CYP51A1: variants seen among roughly 807,000 people sequenced by gnomAD.
CYP51A1 encodes the protein lanosterol 14-alpha demethylase.
CYP51A1 carries 45 observed loss-of-function variants against 53.5 expected under a neutral mutation model. The ratio of observed to expected loss-of-function variants is 0.84; its 90% CI spans 0.66 to 1.08. The LOEUF (loss-of-function observed/expected upper bound fraction) is 1.08, where lower values mean the gene tolerates loss of function less well. Among genes scored for constraint, CYP51A1 ranks in the 50% least tolerant of loss-of-function variants. The pLI is 0.00. For missense variants in CYP51A1, 462 were observed against 621.7 expected, an observed-to-expected ratio of 0.74 and a Z score of 2.73; for synonymous variants, 181 against 217.7, an observed-to-expected ratio of 0.83 and a Z score of 1.48.
At chr7:92,129,222 T>G (rs1471587763) in intron 2 of CYP51A1, among the ~76,000 whole-genome samples, 166 bp from the exon 3 acceptor site, 1 of 152,238 alleles carries the variant, frequency 6.6e-6, no homozygotes. Context: ...TTGTCCAAAT[T>G]TATAATTATG....
chr7:92,134,064 G>T, intron 1 of CYP51A1, 109 bp downstream of exon 1: 2 of 1,056,120 alleles, frequency 1.9e-6, no homozygotes, highest in Non-Finnish European at 2.7e-6. Flanking sequence ...AGTCGCCCCC[G>T]CCCTTGCCAT....
intron 2 of CYP51A1, 24 bp downstream of exon 2, chr7:92,131,750 C>CT: frequency 1.4e-6 from 1 of 739,512 alleles, no homozygotes; most frequent in Admixed American, 3.2e-5. Context: ...TTTTTTTTTT[C>CT]CTCTAATTAT....
At chr7:92,126,892 C>T (rs1180665676) in intron 4 of CYP51A1, among the ~76,000 whole-genome samples, 1 of 152,164 alleles carries the variant, frequency 6.6e-6, no homozygotes, top group African/African-American at 2.4e-5. Context: ...ATTAGTATAT[C>T]CCAACACTGG....
chr7:92,123,685 A>G (rs1819737156), intron 6 of CYP51A1, 49 bp downstream of exon 6: 1 of 1,521,888 alleles, frequency 6.6e-7, no homozygotes, highest in Non-Finnish European at 8.9e-7. Context: ...CTGTGTTTTA[A>G]TGTGTAATTT....
Position 92,112,879 on chromosome 7 carries a change from T to G in CYP51A1, c.*786A>C, listed in dbSNP as rs1819471003. 6.8e-6 allele frequency: 1 copy of G among 147,750 alleles called. No homozygotes were observed. The highest frequency in any genetic ancestry group is 2.5e-5 in the African/African-American group (1 of 40,010). The allele number at this position is 147,750 out of a possible 1,614,324, so 9.2% of individuals were successfully genotyped here. On this transcript the variant is annotated 3_prime_UTR_variant, in exon 10 of 10. Coordinates refer to ENST00000003100, the MANE Select transcript of CYP51A1 (RefSeq NM_000786.4). The stretch of plus-strand genomic sequence containing the variant: ...AGGGAACAACTGAGCCAAAACAAAA[T>G]TATCCCCTAAGGACTTGACTTTGGA...
chr7:92,115,535 TAAG>T (rs1819565471), intron 9 of CYP51A1, among the ~76,000 whole-genome samples: 1 of 152,144 alleles, frequency 6.6e-6, no homozygotes, highest in Admixed American at 6.5e-5. Context: ...TGTAGAACCT[TAAG>T]GAGGAGCACG....
At chr7:92,114,239 T>C (rs987332820) in intron 9 of CYP51A1, among the ~76,000 whole-genome samples, 1 of 152,128 alleles carries the variant, frequency 6.6e-6, no homozygotes, top group Admixed American at 6.6e-5. Flanking sequence ...TATAAATGTA[T>C]GGAAGAAAAT....
chr7:92,126,283 A>G lies in CYP51A1; in HGVS notation c.740T>C (p.Leu247Ser), dbSNP rs1042844921. 6 of 1,607,860 alleles carry G rather than the reference A, an allele frequency of 3.7e-6. No homozygotes were observed. Among genetic ancestry groups the G allele is most frequent in the African/African-American group, 1.3e-5 (1 of 74,642 alleles). Reference sequence around the variant, plus strand: ...ACTAGGCAAAGGCAGCCAACCTGGTAAGAGCCAGGCTGCATGGCTGAAACC... The same window carrying G: ...ACTAGGCAAAGGCAGCCAACCTGGTGAGAGCCAGGCTGCATGGCTGAAACC... Reference protein sequence around the residue: ...DGGFSHAAWLLPGWLPLPSFR... With the variant: ...DGGFSHAAWLSPGWLPLPSFR... Residue 247 changes from leucine (L) to serine (S), a missense_variant, in exon 5 of 10, where the codon TTA becomes TCA. Leu to Ser is a moderately radical substitution (Grantham distance 145). Coordinates refer to ENST00000003100, the MANE Select transcript of CYP51A1 (RefSeq NM_000786.4).
In CYP51A1 at chr7:92,134,157, T is replaced by C. The variant is rs1426032706; in HGVS notation, c.192+16A>G. The C allele has an allele frequency of 6.2e-7, 1 of 1,610,280 alleles. No individual in the cohort carries two copies. On this transcript the variant is annotated intron_variant, in intron 1 of 9. Transcript: ENST00000003100. ...TGCGGCGCGCGCCCCACTCAGACCC[T>C]AAAGAATGTACGTACCACCCCTGCG...
chr7:92,132,742 T>C (rs1259355686), intron 1 of CYP51A1, among the ~76,000 whole-genome samples: 1 of 152,244 alleles, frequency 6.6e-6, no homozygotes, highest in Non-Finnish European at 1.5e-5. Context: ...GCAAGTGAAC[T>C]AGAGCCACTG....
Position 92,117,030 on chromosome 7 carries a change from T to C in CYP51A1, c.1351+14A>G, listed in dbSNP as rs761232545. 16 of 1,592,040 alleles carry C rather than the reference T, an allele frequency of 1.0e-5. No homozygotes were observed. The highest frequency in any genetic ancestry group is 2.3e-5 in the East Asian group (1 of 44,368). On this transcript the variant is annotated intron_variant, in intron 9 of 9. Coordinates refer to ENST00000003100, the MANE Select transcript of CYP51A1 (RefSeq NM_000786.4). ...CAGAACAAACATTTCCAATCTAAAA[T>C]ATAATCATCTTACCAGCTCCAAATG...
Position 92,131,755 on chromosome 7 carries a change from A to C in CYP51A1, c.291+19T>G. 8.5e-7 allele frequency: 1 copy of C among 1,177,814 alleles called. No homozygotes were observed. Among genetic ancestry groups the C allele is most frequent in the Non-Finnish European group, 1.2e-6 (1 of 830,112 alleles). The allele number at this position is 1,177,814 out of a possible 1,614,324, so 73.0% of individuals were successfully genotyped here. On this transcript the variant is annotated intron_variant, in intron 2 of 9. Coordinates refer to ENST00000003100, the MANE Select transcript of CYP51A1 (RefSeq NM_000786.4). ...CTAGTTGTTTTTTTTTTTTTCCTCTAATTATTTGGAAGACTTACCTTCTCA... is the reference window on the plus strand; with the variant it reads ...CTAGTTGTTTTTTTTTTTTTCCTCTCATTATTTGGAAGACTTACCTTCTCA...
At chr7:92,124,000 A>G (rs1193412385) in intron 5 of CYP51A1, 147 bp from the exon 6 acceptor site, 3 of 607,150 alleles carry the variant, frequency 4.9e-6, no homozygotes, top group East Asian at 3.1e-5. Context: ...AATCAGAACC[A>G]GGAACATACT....
Position 92,130,000 on chromosome 7 carries a change from C to T in CYP51A1, c.292-944G>A, listed in dbSNP as rs530789069. ...AAGCCATTTTGAGGAAGTTTTTAAACGGGTGACAAGAATTTTTCAGAGAAA... is the reference window on the plus strand; with the variant it reads ...AAGCCATTTTGAGGAAGTTTTTAAATGGGTGACAAGAATTTTTCAGAGAAA... On this transcript the variant is annotated intron_variant, in intron 2 of 9. Transcript: ENST00000003100. 4.2e-4 allele frequency among the ~76,000 whole-genome samples: 64 copies of T among 152,082 alleles called. 1 individual carries two copies. In the South Asian group the frequency reaches 5.2e-3, roughly 12 times the overall value.
At chr7:92,125,014 G>T (rs1298906812) in intron 5 of CYP51A1, among the ~76,000 whole-genome samples, 2 of 151,936 alleles carry the variant, frequency 1.3e-5, no homozygotes, top group Non-Finnish European at 2.9e-5. Context: ...CTTGGTGGCG[G>T]GTGCCTGTAG....
At position 92,128,940 on chromosome 7, in the gene CYP51A1, G is replaced by C. The variant is rs1819864422; in HGVS notation, c.408C>G (p.Val136=). 6.2e-7 allele frequency: 1 copy of C among 1,612,584 alleles called. No individual in the cohort carries two copies. Reference sequence around the variant, plus strand: ...ACACAGGTGTTGTCAGGCGACTGTAGACATCTTCTGCATTCAGGTCTTCAT... The same window carrying C: ...ACACAGGTGTTGTCAGGCGACTGTACACATCTTCTGCATTCAGGTCTTCAT... ...SKNEDLNAED[V]YSRLTTPVFG... The change falls in exon 3 of 10, where the codon GTC becomes GTG. Residue 136 remains valine, a synonymous_variant. Transcript: ENST00000003100.
chr7:92,128,230 C>T (rs1408562302), intron 3 of CYP51A1, among the ~76,000 whole-genome samples: 1 of 152,126 alleles, frequency 6.6e-6, no homozygotes, highest in East Asian at 1.9e-4. Flanking sequence ...CAAATTAAAT[C>T]CCAGTATGCT....
At chr7:92,134,124 G>A in intron 1 of CYP51A1, 49 bp downstream of exon 1, 2 of 1,579,960 alleles carry the variant, frequency 1.3e-6, no homozygotes, top group African/African-American at 1.4e-5. Flanking sequence ...CCCTTCGGCC[G>A]CCTCAGCTGC....
At chr7:92,129,883 T>C (rs954140322) in intron 2 of CYP51A1, among the ~76,000 whole-genome samples, 6 of 151,992 alleles carry the variant, frequency 3.9e-5, no homozygotes, top group African/African-American at 1.4e-4. Flanking sequence ...GTTTGGTAGC[T>C]AAACATACAC....
Sources: gnomAD v4.1 joint callset for allele counts (sites outside exome capture counted in the v4.1 genomes callset) on GRCh38, gnomAD v4.1.1 for gene constraint, MANE v1.5 for transcripts, NCBI Gene and HGNC (gene_info 2026-07-23, HGNC 2026-07-21) for gene names.